The following CD300A variants were observed in gnomAD, a reference collection of about 807,000 sequenced individuals.
CD300A encodes the protein CMRF35-like molecule 8.
CD300A carries 22 observed loss-of-function variants against 33.6 expected under a neutral mutation model. The observed-to-expected ratio is 0.66, with a 90% CI of 0.47 to 0.94. The LOEUF (loss-of-function observed/expected upper bound fraction) is 0.94, where lower values mean the gene tolerates loss of function less well. Ranked by LOEUF, CD300A falls within the 40% of genes least tolerant of loss-of-function variation. The pLI is 0.00. For missense variants in CD300A, 326 were observed against 360.5 expected (o/e 0.90, Z 0.77); for synonymous variants, 136 against 148.1 (o/e 0.92, Z 0.59).
Position 74,473,426 on chromosome 17 carries a change from G to T in CD300A, c.41-110G>T, listed in dbSNP as rs1042468505. On this transcript the variant is annotated intron_variant, in intron 1 of 6. Coordinates refer to ENST00000360141, the MANE Select transcript of CD300A (RefSeq NM_007261.4). ...GCTCCTGGGTGGACAAGGCCTCTCTGCCTGCCGCTGCCTCCTCCACACCCC... is the reference window on the plus strand; with the variant it reads ...GCTCCTGGGTGGACAAGGCCTCTCTTCCTGCCGCTGCCTCCTCCACACCCC... 2.1e-5 allele frequency: 21 copies of T among 1,011,876 alleles called. No individual in the cohort carries two copies. The African/African-American group carries it at 2.9e-4, about 14-fold the overall frequency. 62.7% of individuals were successfully genotyped at this position (1,011,876 alleles called of 1,614,324 possible).
intron 3 of CD300A, among the ~76,000 whole-genome samples, chr17:74,477,049 T>C (rs1181882454): frequency 6.6e-6 from 1 of 152,136 alleles, no homozygotes; most frequent in African/African-American, 2.4e-5. Context: ...TTTTTTTAAT[T>C]GACCTTATCT....
At chr17:74,468,396 A>G (rs1905871870) in intron 1 of CD300A, among the ~76,000 whole-genome samples, 1 of 152,034 alleles carries the variant, frequency 6.6e-6, no homozygotes, top group Non-Finnish European at 1.5e-5. Context: ...GCGGTGGTGC[A>G]ATCACGGTTC....
In CD300A at chr17:74,473,663, C is replaced by T. The variant is rs1567979702; in HGVS notation, c.168C>T (p.Phe56=). The T allele has an allele frequency of 1.9e-6, 3 of 1,614,260 alleles. No homozygotes were observed. The highest frequency in any genetic ancestry group is 4.5e-5 in the East Asian group (2 of 44,890). ...NKYWCRPPQI[F]LCDKIVETKG... ...ACTGGTGCAGACCACCACAGATTTT[C>T]CTATGTGACAAGATTGTGGAGACCA... is the stretch of plus-strand genomic sequence containing the variant. The change falls in exon 2 of 7, where the codon TTC becomes TTT. Residue 56 remains phenylalanine (F), a synonymous_variant. Transcript: ENST00000360141.
intron 4 of CD300A, among the ~76,000 whole-genome samples, chr17:74,478,387 T>C (rs1020249246): frequency 6.6e-6 from 1 of 152,188 alleles, no homozygotes; most frequent in African/African-American, 2.4e-5. Context: ...TGTTATTCAG[T>C]ATCTCCAGCT....
chr17:74,475,633 A>G (rs1027521491), intron 3 of CD300A, among the ~76,000 whole-genome samples: 50 of 152,184 alleles, frequency 3.3e-4, no homozygotes, highest in African/African-American at 1.2e-3. Flanking sequence ...CGGACTCCCT[A>G]TTCTAGCACA....
chr17:74,473,989 A>AGG, intron 2 of CD300A, 115 bp downstream of exon 2: 1 of 1,220,366 alleles, frequency 8.2e-7, no homozygotes. Context: ...TAAGAGAGAG[A>AGG]GAGGTGGGGG....
At chr17:74,468,369 G>A (rs1024741574) in intron 1 of CD300A, among the ~76,000 whole-genome samples, 1 of 152,070 alleles carries the variant, frequency 6.6e-6, no homozygotes, top group African/African-American at 2.4e-5. Flanking sequence ...GTCTCCCTCC[G>A]TCACCCAAAC....
rs1377555139 is a variant in CD300A, at chr17:74,480,524, C to G, written c.629-765C>G. 1.3e-5 allele frequency among the ~76,000 whole-genome samples: 2 copies of G among 152,190 alleles called. No individual in the cohort carries two copies. The highest frequency in any genetic ancestry group is 2.9e-5 in the Non-Finnish European group (2 of 68,030). On this transcript the variant is annotated intron_variant, in intron 4 of 6. Coordinates refer to ENST00000360141, the MANE Select transcript of CD300A (RefSeq NM_007261.4). The surrounding 1 kb of genome is among the most constrained non-coding windows in gnomAD (Gnocchi z 4.2). Reference sequence around the variant, plus strand: ...GCTGACAGGCCTCCTTCCCTACGGCCTGGGGCAGCAGGCAGGTGGGCTGTC... The same window carrying G: ...GCTGACAGGCCTCCTTCCCTACGGCGTGGGGCAGCAGGCAGGTGGGCTGTC...
intron 6 of CD300A, among the ~76,000 whole-genome samples, chr17:74,482,254 G>C (rs1906907633): frequency 6.6e-6 from 1 of 152,010 alleles, no homozygotes; most frequent in Admixed American, 6.6e-5. Flanking sequence ...TGATGGGATG[G>C]GGGCTGCCTC....
intron 1 of CD300A, 69 bp from the exon 2 acceptor site, chr17:74,473,467 C>G (rs1906239655): frequency 1.3e-6 from 2 of 1,490,026 alleles, no homozygotes; most frequent in Admixed American, 3.8e-5. Context: ...TCCATGCGGC[C>G]CTGACCCCAG....
At chr17:74,467,108 A>T in intron 1 of CD300A, 2 of 675,336 alleles carry the variant, frequency 3.0e-6, no homozygotes, top group Non-Finnish European at 3.8e-6. Flanking sequence ...TGCGAGGGGC[A>T]TGTGGTGAGG....
intron 4 of CD300A, among the ~76,000 whole-genome samples, chr17:74,478,562 G>A (rs1906631148): frequency 6.6e-6 from 1 of 152,202 alleles, no homozygotes; most frequent in African/African-American, 2.4e-5. Context: ...ACAAGTGGAG[G>A]TGTGGCCACC....
At chr17:74,477,203 C>T (rs762847838) in intron 3 of CD300A, among the ~76,000 whole-genome samples, 17 of 151,734 alleles carry the variant, frequency 1.1e-4, no homozygotes, top group South Asian at 2.1e-4. Context: ...TGAGTCTCTA[C>T]GAAAAATTTA....
At chr17:74,479,288 G>A (rs764760067) in intron 4 of CD300A, among the ~76,000 whole-genome samples, 2 of 151,566 alleles carry the variant, frequency 1.3e-5, no homozygotes, top group African/African-American at 4.8e-5. Context: ...CCAGGCTGGC[G>A]TGCAGTGGCA....
chr17:74,471,158 G>C (rs539806650), intron 1 of CD300A, among the ~76,000 whole-genome samples: 2 of 152,286 alleles, frequency 1.3e-5, no homozygotes, highest in East Asian at 3.9e-4. Context: ...ATGTTGCCCA[G>C]GCTCCATTTA....
chr17:74,481,867 C>T (rs1326342402), intron 6 of CD300A, 34 bp downstream of exon 6: 8 of 1,528,700 alleles, frequency 5.2e-6, no homozygotes, highest in Non-Finnish European at 7.1e-6. Flanking sequence ...GGGCATGCGG[C>T]CCCTGGGCTG....
At chr17:74,466,912 C>G in intron 1 of CD300A, 169 bp downstream of exon 1, 1 of 1,462,106 alleles carries the variant, frequency 6.8e-7, no homozygotes, top group Non-Finnish European at 9.0e-7. Flanking sequence ...GTCCACACCC[C>G]TGGGAGAGGA....
At chr17:74,481,381 C>T in intron 5 of CD300A, 55 bp downstream of exon 5, 1 of 1,546,252 alleles carries the variant, frequency 6.5e-7, no homozygotes, top group South Asian at 1.1e-5. Flanking sequence ...GGTACAGAGG[C>T]TGCTGGGGAG....
rs750498629 is a variant in CD300A, at chr17:74,474,538, C to T, written c.386C>T (p.Thr129Met). 32 of 1,613,934 alleles carry T rather than the reference C, an allele frequency of 2.0e-5. No homozygotes were observed. The East Asian group carries it at 2.0e-4, about 10-fold the overall frequency. Residue 129 changes from threonine (T) to methionine (M), a missense_variant, in exon 3 of 7, where the codon ACG (threonine) becomes ATG (methionine). Transcript: ENST00000360141. ...EVEVSVFPAS[T>M]SMTPASITAA... The stretch of plus-strand genomic sequence containing the variant: ...CTTGTGGTTTTGCCACCAGCATCAA[C>T]GTCAATGACACCTGCAAGTATCACT...
Sources: gnomAD v4.1 joint callset for allele counts (sites outside exome capture counted in the v4.1 genomes callset) on GRCh38, gnomAD v4.1.1 for gene constraint, Gnocchi (gnomAD v3.1) non-coding constraint, MANE v1.5 for transcripts, NCBI Gene and HGNC (gene_info 2026-07-23, HGNC 2026-07-21) for gene names.